MYO5B: variants seen among roughly 807,000 people sequenced by gnomAD.
MYO5B encodes myosin VB, also known as unconventional myosin-Vb.
In MYO5B, 143 loss-of-function variants were observed where a neutral mutation model predicts 229.3. The observed-to-expected ratio is 0.62, with a 90% CI of 0.54 to 0.72. The LOEUF (loss-of-function observed/expected upper bound fraction) is 0.72, where lower values mean the gene tolerates loss of function less well. Among genes scored for constraint, MYO5B ranks in the 30% least tolerant of loss-of-function variants. The probability of loss-of-function intolerance (pLI) is 0.00; values close to 1 mark genes in which losing one functional copy is unlikely to be tolerated. For synonymous variants in MYO5B, 918 were observed against 885.2 expected (o/e 1.04, Z -0.66); for missense variants, 2,321 against 2,331.0 (o/e 1.00, Z 0.09).
chr18:49,895,117 T>C lies in MYO5B; in HGVS notation c.2869A>G (p.Met957Val), dbSNP rs1319262539. The C allele has an allele frequency of 6.2e-6, 10 of 1,614,024 alleles. No homozygotes were observed. Among genetic ancestry groups the C allele is most frequent in the South Asian group, 1.1e-5 (1 of 91,088 alleles). Residue 957 changes from methionine (M) to valine (V), a missense_variant, in exon 22 of 40, where the codon ATG (methionine) becomes GTG (valine). Around this residue, in one of 2 missense-constraint regions of MYO5B, gnomAD observed 2,113 missense variants for 2,044.7 expected, o/e 1.03. Transcript: ENST00000285039. ...QLSVTTSTYT[M>V]EVERLKKELV... is the part of the protein sequence containing the mutation. The stretch of plus-strand genomic sequence containing the variant: ...TCCTTCTTCAGCCGCTCTACCTCCA[T>C]GGTGTATGTTGAGGTGGTCACGGAC...
intron 10 of MYO5B, among the ~76,000 whole-genome samples, chr18:49,963,737 A>G (rs1411229601): frequency 1.3e-5 from 2 of 152,042 alleles, no homozygotes; most frequent in African/African-American, 4.8e-5. Context: ...CTTACCTTCT[A>G]TTATCATCAT....
chr18:49,879,179 AG>A (rs2024559851), intron 23 of MYO5B, 89 bp from the exon 24 acceptor site: 2 of 1,554,302 alleles, frequency 1.3e-6, no homozygotes, highest in African/African-American at 2.7e-5. Context: ...TCTTGTTAAG[AG>A]GCTGCCCATG....
At chr18:50,055,520 C>T in intron 1 of MYO5B, 142 bp from the exon 2 acceptor site, 1 of 700,068 alleles carries the variant, frequency 1.4e-6, no homozygotes, top group Non-Finnish European at 2.5e-6. Context: ...TTTCAGGACA[C>T]AACGTGATCC....
chr18:49,910,510 C>T (rs1158055817), intron 18 of MYO5B, among the ~76,000 whole-genome samples: 2 of 151,938 alleles, frequency 1.3e-5, no homozygotes, highest in Non-Finnish European at 2.9e-5. Context: ...CCTCAATCAA[C>T]TGGAGTCCAG....
At chr18:50,158,346 C>T (rs939936716) in intron 1 of MYO5B, among the ~76,000 whole-genome samples, 11 of 152,280 alleles carry the variant, frequency 7.2e-5, no homozygotes, top group Middle Eastern at 3.4e-3. Flanking sequence ...CCCTAACCAA[C>T]GCCACTCTTT....
chr18:49,987,219 G>A (rs554322732), intron 7 of MYO5B, among the ~76,000 whole-genome samples: 3 of 152,100 alleles, frequency 2.0e-5, no homozygotes, highest in African/African-American at 4.8e-5. Context: ...ACTGAGGCTT[G>A]TCACTGCAGG....
chr18:50,023,633 T>A (rs1346256086), intron 4 of MYO5B, among the ~76,000 whole-genome samples: 1 of 152,116 alleles, frequency 6.6e-6, no homozygotes, highest in African/African-American at 2.4e-5. Flanking sequence ...AACTATCACA[T>A]GAAGAATGCT....
intron 4 of MYO5B, among the ~76,000 whole-genome samples, chr18:50,018,282 A>G (rs945537415): frequency 2.1e-5 from 2 of 93,408 alleles, no homozygotes; most frequent in African/African-American, 8.0e-5. Flanking sequence ...TTGCTCATAC[A>G]TATACCCATT....
At chr18:50,090,345 A>AG (rs1298810799) in intron 1 of MYO5B, among the ~76,000 whole-genome samples, 1 of 151,524 alleles carries the variant, frequency 6.6e-6, no homozygotes, top group East Asian at 1.9e-4. Flanking sequence ...CCTCAAAAAA[A>AG]AAAAAAAAAA....
At chr18:49,987,357 G>A (rs1261811738) in intron 7 of MYO5B, among the ~76,000 whole-genome samples, 1 of 152,090 alleles carries the variant, frequency 6.6e-6, no homozygotes, top group Admixed American at 6.5e-5. Flanking sequence ...TCTTAGTAAG[G>A]TACATCCAAA....
rs1418019161 is a variant in MYO5B at position 49,823,604 on chromosome 18, A to G, written c.*2867T>C. 6.6e-6 allele frequency: 1 copy of G among 152,284 alleles called. No homozygotes were observed. The allele number at this position is 152,284 out of a possible 1,614,324, so 9.4% of individuals were successfully genotyped here. ...TTTGTTTTGTTTTTACAAAAGCCTT[A>G]AAATTTAGTACTAGGGAAATCAAAG... On this transcript the variant is annotated 3_prime_UTR_variant, in exon 40 of 40. Coordinates refer to ENST00000285039, the MANE Select transcript of MYO5B (RefSeq NM_001080467.3).
At chr18:49,908,195 T>C (rs1598874494) in intron 18 of MYO5B, among the ~76,000 whole-genome samples, 3 of 152,300 alleles carry the variant, frequency 2.0e-5, no homozygotes, top group South Asian at 4.1e-4. Flanking sequence ...GGCCACTTTT[T>C]CTGAACAAGG....
At chr18:50,193,693 C>T (rs1269905015) in intron 1 of MYO5B, among the ~76,000 whole-genome samples, 1 of 152,262 alleles carries the variant, frequency 6.6e-6, no homozygotes, top group African/African-American at 2.4e-5. Context: ...CACTGTTAAA[C>T]GTGTTTTGGC....
chr18:50,125,158 T>TC (rs2032138236), intron 1 of MYO5B, among the ~76,000 whole-genome samples: 2 of 152,088 alleles, frequency 1.3e-5, no homozygotes, highest in African/African-American at 4.8e-5. Context: ...AGCTTCTCTT[T>TC]CTCAAGGGCA....
chr18:50,138,049 G>A (rs2144281847), intron 1 of MYO5B, among the ~76,000 whole-genome samples: 1 of 152,224 alleles, frequency 6.6e-6, no homozygotes, highest in South Asian at 2.1e-4. Context: ...ATACCTCACT[G>A]ATGAAATAAT....
In MYO5B at chr18:50,155,450, A is replaced by T. The variant is rs116558697; in HGVS notation, c.27+39317T>A. ...AATCCTTGAGTAAAAGATTTCATTCATTTCACCCTCAGTATTTTGAGATAA... is the reference window on the plus strand; with the variant it reads ...AATCCTTGAGTAAAAGATTTCATTCTTTTCACCCTCAGTATTTTGAGATAA... On this transcript the variant is annotated intron_variant, in intron 1 of 39. Coordinates refer to ENST00000285039, the MANE Select transcript of MYO5B (RefSeq NM_001080467.3). 3.2e-3 allele frequency among the ~76,000 whole-genome samples: 491 copies of T among 152,300 alleles called. 5 individuals carry two copies. Among genetic ancestry groups the T allele is most frequent in the African/African-American group, 0.011 (467 of 41,570 alleles).
intron 1 of MYO5B, among the ~76,000 whole-genome samples, chr18:50,122,634 G>GGA (rs778675940): frequency 2.2e-4 from 2 of 9,260 alleles, no homozygotes; most frequent in African/African-American, 7.2e-4. Context: ...GAAGGGGGGG[G>GGA]GAGAGAGAGA....
intron 1 of MYO5B, among the ~76,000 whole-genome samples, chr18:50,089,608 G>A (rs1425087071): frequency 6.6e-6 from 1 of 151,808 alleles, no homozygotes; most frequent in Non-Finnish European, 1.5e-5. Context: ...AATTAGCCAG[G>A]TGTGGTGGTA....
chr18:50,174,067 CAGA>C (rs1166829331), intron 1 of MYO5B, among the ~76,000 whole-genome samples: 1 of 152,104 alleles, frequency 6.6e-6, no homozygotes, highest in African/African-American at 2.4e-5. Context: ...AACAAAACGA[CAGA>C]AGGAGGGCAA....
Sources: gnomAD v4.1 joint callset for allele counts (sites outside exome capture counted in the v4.1 genomes callset) on GRCh38, gnomAD v4.1.1 for gene constraint, gnomAD v4.1.1 regional missense constraint, MANE v1.5 for transcripts, NCBI Gene and HGNC (gene_info 2026-07-23, HGNC 2026-07-21) for gene names.